Variants in OAS3 observed in about 807,000 individuals in gnomAD.
OAS3 encodes the protein 2'-5'-oligoadenylate synthase 3.
Under a neutral mutation model 113.0 loss-of-function variants are expected in OAS3, and 107 were observed. The observed-to-expected ratio is 0.95, with a 90% CI of 0.81 to 1.11. OAS3 has a LOEUF of 1.11. Among genes scored for constraint, OAS3 ranks in the 50% most tolerant of loss-of-function variants. OAS3 has a pLI of 0.00. For missense variants in OAS3, 1,258 were observed against 1,389.1 expected, an observed-to-expected ratio of 0.91 and a Z score of 1.50; for synonymous variants, 552 against 573.6, an observed-to-expected ratio of 0.96 and a Z score of 0.54.
intron 2 of OAS3, among the ~76,000 whole-genome samples, chr12:112,944,234 C>T (rs2043705761): frequency 6.6e-6 from 1 of 152,188 alleles, no homozygotes; most frequent in Non-Finnish European, 1.5e-5. Context: ...GCTCTAGGGA[C>T]TGCCTGGCCA....
Position 112,968,036 on chromosome 12 carries a change from T to C in OAS3, c.2966T>C (p.Phe989Ser). Residue 989 changes from phenylalanine (F) to serine (S), a missense_variant, in exon 14 of 16, where the codon TTC becomes TCC. By Grantham distance (155) the Phe-to-Ser change is radical. Coordinates refer to ENST00000228928, the MANE Select transcript of OAS3 (RefSeq NM_006187.4). The part of the protein sequence containing the change: ...AWEQGGKDSQ[F>S]NMAEGFRTVL... The stretch of plus-strand genomic sequence containing the variant: ...GAGCAGGGCGGGAAGGACTCCCAGT[T>C]CAACATGGCTGAGGGCTTCCGCACG... 6.2e-7 allele frequency: 1 copy of C among 1,613,872 alleles called. No homozygotes were observed. Among genetic ancestry groups the C allele is most frequent in the Non-Finnish European group, 8.5e-7 (1 of 1,179,752 alleles).
In OAS3 at chr12:112,972,671, A is replaced by T. The variant is rs566944651; in HGVS notation, c.*2698A>T. ...CATGGCGCTGGTACGTAAATAGACC[A>T]ATGCAGTTAGGTGGCTCTTTCCAAG... On this transcript the variant is annotated 3_prime_UTR_variant, in exon 16 of 16. Transcript: ENST00000228928. 1 of 152,354 alleles carries T rather than the reference A, an allele frequency of 6.6e-6. No individual in the cohort carries two copies. Among genetic ancestry groups the T allele is most frequent in the South Asian group, 2.1e-4 (1 of 4,828 alleles). 9.4% of individuals were successfully genotyped at this position (152,354 alleles called of 1,614,324 possible). A position where few individuals can be genotyped will look rare whatever the true frequency, so the allele number is the denominator to read the frequency against.
At chr12:112,958,573 C>T (rs1052605417) in intron 7 of OAS3, among the ~76,000 whole-genome samples, 4 of 152,238 alleles carry the variant, frequency 2.6e-5, no homozygotes, top group Non-Finnish European at 5.9e-5. Flanking sequence ...AGTCAGGACC[C>T]TCAGCTGCAG....
Position 112,963,135 on chromosome 12 carries a change from C to T in OAS3, c.2085-178C>T, listed in dbSNP as rs892504038. Among the ~76,000 whole-genome samples the T allele has an allele frequency of 5.3e-5, 8 of 152,200 alleles. No individual in the cohort carries two copies. The highest frequency in any genetic ancestry group is 1.9e-4 in the African/African-American group (8 of 41,450). On this transcript the variant is annotated intron_variant, in intron 9 of 15. Transcript: ENST00000228928. The surrounding 1 kb of genome is among the most constrained non-coding windows in gnomAD (Gnocchi z 4.6). ...TAGTATTTCTCAGTTGAAGGGGCCA[C>T]CCAATAGCTTTCCAACCAAGGCAGC...
At chr12:112,958,159 G>A (rs907852239) in intron 7 of OAS3, among the ~76,000 whole-genome samples, 1 of 152,164 alleles carries the variant, frequency 6.6e-6, no homozygotes, top group African/African-American at 2.4e-5. Flanking sequence ...GCATCACGTA[G>A]TTCTTGTGCC....
chr12:112,965,970 C>T lies in OAS3; in HGVS notation c.2630C>T (p.Ser877Phe). 2 of 1,614,040 alleles carry T rather than the reference C, an allele frequency of 1.2e-6. No homozygotes were observed. Among genetic ancestry groups the T allele is most frequent in the Non-Finnish European group, 8.5e-7 (1 of 1,179,906 alleles). The change falls in exon 12 of 16, where the codon TCC becomes TTC. Residue 877 changes from serine (S) to phenylalanine (F), a missense_variant. By Grantham distance (155) the Ser-to-Phe change is radical. Transcript: ENST00000228928. ...NPRVLSFSLT[S>F]QTMLDQSVDF... Reference sequence around the variant, plus strand: ...CGCGTGCTGAGCTTCTCACTGACATCCCAGACGATGCTGGACCAGAGTGTG... The same window carrying T: ...CGCGTGCTGAGCTTCTCACTGACATTCCAGACGATGCTGGACCAGAGTGTG...
Position 112,941,861 on chromosome 12 carries a change from T to C in OAS3, c.460+9T>C. 4 of 1,613,848 alleles carry C rather than the reference T, an allele frequency of 2.5e-6. No homozygotes were observed. Among genetic ancestry groups the C allele is most frequent in the Non-Finnish European group, 3.4e-6 (4 of 1,179,854 alleles). On this transcript the variant is annotated intron_variant, in intron 2 of 15. Coordinates refer to ENST00000228928, the MANE Select transcript of OAS3 (RefSeq NM_006187.4). ...TGCCTTCAATGTCCTGGGTGAGGGG[T>C]TCCTAGACCATTCCAGGGTTGGGGG...
chr12:112,946,501 C>T (rs1194887758), intron 3 of OAS3, among the ~76,000 whole-genome samples: 1 of 152,158 alleles, frequency 6.6e-6, no homozygotes, highest in Non-Finnish European at 1.5e-5. Flanking sequence ...CTGCTCCCTG[C>T]CTCCTTGGGA....
chr12:112,967,992 C>G lies in OAS3; in HGVS notation c.2922C>G (p.Leu974=), dbSNP rs745879460. The change falls in exon 14 of 16, where the codon CTC becomes CTG. Residue 974 remains leucine (L), a synonymous_variant. Coordinates refer to ENST00000228928, the MANE Select transcript of OAS3 (RefSeq NM_006187.4). ...GSLPPQHGLE[L]LTVYAWEQGG... The stretch of plus-strand genomic sequence containing the variant: ...TACCCCCACAGCACGGGCTGGAACT[C>G]CTGACTGTGTATGCCTGGGAGCAGG... 1.6e-4 allele frequency: 264 copies of G among 1,613,914 alleles called. No individual in the cohort carries two copies. The highest frequency in any genetic ancestry group is 1.0e-3 in the South Asian group (94 of 91,086).
chr12:112,950,057 C>T (rs536770496), intron 6 of OAS3, among the ~76,000 whole-genome samples: 1 of 152,130 alleles, frequency 6.6e-6, no homozygotes, highest in East Asian at 1.9e-4. Flanking sequence ...TGCAGTCTTG[C>T]ACTACCAGCC....
intron 8 of OAS3, 27 bp from the exon 9 acceptor site, chr12:112,962,625 A>G: frequency 1.9e-6 from 3 of 1,607,638 alleles, no homozygotes; most frequent in Non-Finnish European, 2.6e-6. Context: ...CTAATCACTC[A>G]TCTTTGGTTG....
Position 112,954,394 on chromosome 12 carries a change from C to T in OAS3, c.1657+3419C>T, listed in dbSNP as rs918589974. 6.6e-6 allele frequency among the ~76,000 whole-genome samples: 1 copy of T among 152,084 alleles called. No individual in the cohort carries two copies. Among genetic ancestry groups the T allele is most frequent in the Admixed American group, 6.6e-5 (1 of 15,260 alleles). On this transcript the variant is annotated intron_variant, in intron 7 of 15. Coordinates refer to ENST00000228928, the MANE Select transcript of OAS3 (RefSeq NM_006187.4). This position sits in a 1 kb window ranked among gnomAD's most constrained non-coding sequence, Gnocchi z 4.0. ...CAAGCTCCACCTCCCAGGTTCACAC[C>T]ATTCTCCTGCCTCAGCTTCCCTAGT...
chr12:112,971,686 G>A lies in OAS3; in HGVS notation c.*1713G>A, dbSNP rs2043985422. On this transcript the variant is annotated 3_prime_UTR_variant, in exon 16 of 16. Transcript: ENST00000228928. ...TGCTAGATTGAATGGGATGGGAAGA[G>A]CCTTCCCTCATTATTGTCATTCTTG... 1 of 152,266 alleles carries A rather than the reference G, an allele frequency of 6.6e-6. No individual in the cohort carries two copies. The highest frequency in any genetic ancestry group is 6.5e-5 in the Admixed American group (1 of 15,286). The allele number at this position is 152,266 out of a possible 1,614,324, so 9.4% of individuals were successfully genotyped here.
At chr12:112,946,051 T>C (rs1381373143) in intron 3 of OAS3, among the ~76,000 whole-genome samples, 1 of 152,148 alleles carries the variant, frequency 6.6e-6, no homozygotes, top group African/African-American at 2.4e-5. Flanking sequence ...TTAGAAATTC[T>C]ATCTTGATCT....
chr12:112,946,948 G>A lies in OAS3; in HGVS notation c.842G>A (p.Gly281Glu), dbSNP rs761951455. The change falls in exon 4 of 16, where the codon GGG becomes GAG. Residue 281 changes from glycine (G) to glutamate (E), a missense_variant. Coordinates refer to ENST00000228928, the MANE Select transcript of OAS3 (RefSeq NM_006187.4). ...VNYGFEDPAV[G>E]QFLQRQLKRP... Reference sequence around the variant, plus strand: ...TATGGCTTCGAGGACCCTGCAGTTGGGCAGTTCTTGCAGCGGCAGCTTAAG... The same window carrying A: ...TATGGCTTCGAGGACCCTGCAGTTGAGCAGTTCTTGCAGCGGCAGCTTAAG... 6.2e-6 allele frequency: 10 copies of A among 1,614,012 alleles called. No individual in the cohort carries two copies. The South Asian group carries it at 1.1e-4, about 18-fold the overall frequency.
chr12:112,946,778 C>T lies in OAS3; in HGVS notation c.672C>T (p.Pro224=), dbSNP rs774886246. Residue 224 remains proline (P), a synonymous_variant, in exon 4 of 16, where the codon CCC becomes CCT. Coordinates refer to ENST00000228928, the MANE Select transcript of OAS3 (RefSeq NM_006187.4). ...AGGGGTTGTGGAAGGAGACGCTGCC[C>T]CCGGTCTATGCCCTGGAATTGCTGA... is the stretch of plus-strand genomic sequence containing the variant. The part of the protein sequence containing the change: ...CLQGLWKETL[P]PVYALELLTI... The T allele has an allele frequency of 3.7e-6, 6 of 1,612,692 alleles. No individual in the cohort carries two copies. Among genetic ancestry groups the T allele is most frequent in the Non-Finnish European group, 5.1e-6 (6 of 1,179,488 alleles).
At position 112,948,998 on chromosome 12, in the gene OAS3, T is replaced by A. The variant is rs764475359; in HGVS notation, c.1167T>A (p.Pro389=). 1.9e-6 allele frequency: 3 copies of A among 1,614,044 alleles called. No individual in the cohort carries two copies. The East Asian group carries it at 6.7e-5, about 36-fold the overall frequency. The change falls in exon 6 of 16, where the codon CCT becomes CCA. Residue 389 remains proline, a synonymous_variant. Transcript: ENST00000228928. ...AGSKPPSCPA[P]GPTGAASIVP... The stretch of plus-strand genomic sequence containing the variant: ...GCAAACCTCCCTCATGCCCAGCTCC[T>A]GGCCCCACTGGGGCAGCCAGCATCG...
chr12:112,967,625 T>A, intron 13 of OAS3, 32 bp downstream of exon 13: 1 of 1,599,802 alleles, frequency 6.3e-7, no homozygotes, highest in Non-Finnish European at 8.5e-7. Context: ...CCTTCCTAAG[T>A]TGCCCTGGGA....
intron 10 of OAS3, 113 bp from the exon 11 acceptor site, chr12:112,964,122 G>C: frequency 9.0e-7 from 1 of 1,112,578 alleles, no homozygotes; most frequent in East Asian, 2.6e-5. Flanking sequence ...GAGAAGGAAA[G>C]AGGGACATGG....
Sources: allele counts gnomAD v4.1 joint callset (sites outside exome capture counted in the v4.1 genomes callset), GRCh38; gene constraint gnomAD v4.1.1; non-coding constraint Gnocchi (gnomAD v3.1); transcripts MANE v1.5; gene names NCBI Gene and HGNC (gene_info 2026-07-23, HGNC 2026-07-21).